TYR: variants seen among roughly 807,000 people sequenced by gnomAD.
TYR encodes the protein LB24-AB.
A neutral mutation model predicts 51.5 loss-of-function variants in TYR; 58 were observed. The observed-to-expected ratio is 1.13, with a 90% CI of 0.91 to 1.40. The LOEUF (loss-of-function observed/expected upper bound fraction) is 1.40. Ranked by LOEUF, TYR falls within the 40% of genes most tolerant of loss-of-function variation. TYR has a pLI of 0.00. For synonymous variants in TYR, 263 were observed against 235.2 expected (o/e 1.12, Z -1.08); for missense variants, 732 against 647.4 (o/e 1.13, Z -1.42).
In TYR at chr11:89,261,787, A is replaced by G. The variant is rs142785253; in HGVS notation, c.1185-22986A>G. Among the ~76,000 whole-genome samples the G allele has an allele frequency of 9.4e-3, 1,424 of 152,250 alleles. 23 individuals carry two copies. Among genetic ancestry groups the G allele is most frequent in the African/African-American group, 0.033 (1,368 of 41,572 alleles). On this transcript the variant is annotated intron_variant, in intron 3 of 4. Coordinates refer to ENST00000263321, the MANE Select transcript of TYR (RefSeq NM_000372.5). The stretch of plus-strand genomic sequence containing the variant: ...GCACATGGAGTATTTTCCAGGATTA[A>G]TTACATGTGAGACCATAAAACAAGT...
chr11:89,270,491 G>A (rs140804240), intron 3 of TYR, among the ~76,000 whole-genome samples: 61 of 151,786 alleles, frequency 4.0e-4, no homozygotes, highest in African/African-American at 1.4e-3. Context: ...TCCTCATTTG[G>A]CTTTCTACTT....
chr11:89,283,245 GACC>G (rs1218468050), intron 3 of TYR, among the ~76,000 whole-genome samples: 2 of 151,774 alleles, frequency 1.3e-5, no homozygotes, highest in African/African-American at 4.8e-5. Context: ...AACCAACTTT[GACC>G]ACAAGTAGTG....
chr11:89,288,905 G>T (rs1160921749), intron 4 of TYR, among the ~76,000 whole-genome samples: 1 of 152,004 alleles, frequency 6.6e-6, no homozygotes, highest in East Asian at 1.9e-4. Context: ...AAGATTTCTT[G>T]ATATAATTTT....
intron 2 of TYR, among the ~76,000 whole-genome samples, chr11:89,210,935 C>T (rs1943745868): frequency 6.6e-6 from 1 of 152,108 alleles, no homozygotes; most frequent in African/African-American, 2.4e-5. Context: ...CACCATCAGG[C>T]CTGCCTTACA....
At chr11:89,238,279 T>A (rs997668433) in intron 3 of TYR, among the ~76,000 whole-genome samples, 1 of 152,208 alleles carries the variant, frequency 6.6e-6, no homozygotes, top group Admixed American at 6.5e-5. Context: ...AAAATTTTTA[T>A]TTTTAATTAA....
intron 2 of TYR, among the ~76,000 whole-genome samples, chr11:89,219,345 G>A (rs1434308137): frequency 1.3e-5 from 2 of 149,668 alleles, no homozygotes; most frequent in Admixed American, 1.3e-4. Flanking sequence ...TGCCCAGGCT[G>A]GAGTGCAGTG....
intron 3 of TYR, among the ~76,000 whole-genome samples, chr11:89,259,122 T>A (rs1441606271): frequency 6.6e-6 from 1 of 152,060 alleles, no homozygotes; most frequent in Admixed American, 6.6e-5. Flanking sequence ...TTGAGAACCA[T>A]TGCATTCATG....
At chr11:89,195,729 A>C (rs1329135268) in intron 2 of TYR, among the ~76,000 whole-genome samples, 1 of 152,056 alleles carries the variant, frequency 6.6e-6, no homozygotes, top group Non-Finnish European at 1.5e-5. Flanking sequence ...TAGATAAAGC[A>C]AAGAAAAATA....
At chr11:89,192,915 T>C (rs1000752212) in intron 2 of TYR, among the ~76,000 whole-genome samples, 13 of 152,160 alleles carry the variant, frequency 8.5e-5, no homozygotes, top group Admixed American at 1.3e-4. Flanking sequence ...GTGGAGATAA[T>C]CTGCCCCCAG....
intron 2 of TYR, among the ~76,000 whole-genome samples, chr11:89,204,058 G>A (rs1178941211): frequency 1.3e-5 from 2 of 152,148 alleles, no homozygotes; most frequent in African/African-American, 4.8e-5. Context: ...ACTTTACATG[G>A]AGGCAATGTG....
At chr11:89,204,858 G>A (rs920819043) in intron 2 of TYR, among the ~76,000 whole-genome samples, 2 of 150,262 alleles carry the variant, frequency 1.3e-5, no homozygotes, top group Non-Finnish European at 3.0e-5. Context: ...CGTTAACACT[G>A]AAGTAACAGA....
chr11:89,293,924 A>T, intron 4 of TYR: 1 of 314,218 alleles, frequency 3.2e-6, no homozygotes, highest in Non-Finnish European at 6.4e-6. Context: ...TTCTTTCAGG[A>T]TCAAGATCTC....
At chr11:89,244,026 T>C (rs1215358601) in intron 3 of TYR, among the ~76,000 whole-genome samples, 4 of 152,104 alleles carry the variant, frequency 2.6e-5, no homozygotes, top group Non-Finnish European at 4.4e-5. Flanking sequence ...TATGCATAAA[T>C]TTTATTTCCT....
chr11:89,205,731 A>G (rs967437436), intron 2 of TYR, among the ~76,000 whole-genome samples: 8 of 152,172 alleles, frequency 5.3e-5, no homozygotes, highest in Non-Finnish European at 1.2e-4. Context: ...GCCCTGAAAA[A>G]AAAATGGTTA....
In TYR at chr11:89,232,366, A is replaced by G. The variant is rs1362595786; in HGVS notation, c.1184+4396A>G. On this transcript the variant is annotated intron_variant, in intron 3 of 4. Coordinates refer to ENST00000263321, the MANE Select transcript of TYR (RefSeq NM_000372.5). Reference sequence around the variant, plus strand: ...TGGTACATTTACACCATGGAATACTATAAGAAAGAACAAAATGATGTCCTT... The same window carrying G: ...TGGTACATTTACACCATGGAATACTGTAAGAAAGAACAAAATGATGTCCTT... Among the ~76,000 whole-genome samples, 24 of 143,784 alleles carry G rather than the reference A, an allele frequency of 1.7e-4. 2 individuals are homozygous for G. The highest frequency in any genetic ancestry group is 1.6e-3 in the Admixed American group (24 of 14,568). 94.3% of individuals were successfully genotyped at this position (143,784 alleles called of 152,430 possible). A position where few individuals can be genotyped will look rare whatever the true frequency, so the allele number is the denominator to read the frequency against.
chr11:89,254,318 G>C (rs1222285496), intron 3 of TYR, among the ~76,000 whole-genome samples: 1 of 151,490 alleles, frequency 6.6e-6, no homozygotes, highest in Non-Finnish European at 1.5e-5. Flanking sequence ...TTCCGGTTTT[G>C]GTGTTCGGGT....
intron 2 of TYR, among the ~76,000 whole-genome samples, chr11:89,212,325 T>C (rs1438618609): frequency 6.6e-6 from 1 of 152,094 alleles, no homozygotes; most frequent in Non-Finnish European, 1.5e-5. Flanking sequence ...GCAAATAATC[T>C]AGAAAATCTA....
intron 3 of TYR, among the ~76,000 whole-genome samples, chr11:89,258,827 A>G (rs1359413507): frequency 1.3e-5 from 2 of 152,094 alleles, no homozygotes; most frequent in African/African-American, 2.4e-5. Context: ...CCAGAGACCA[A>G]CTATGAGGCT....
chr11:89,222,496 T>A (rs1275129178), intron 2 of TYR, among the ~76,000 whole-genome samples: 1 of 152,136 alleles, frequency 6.6e-6, no homozygotes, highest in Non-Finnish European at 1.5e-5. Context: ...CCCAGCACTT[T>A]GGGAGGCCAG....
Sources: allele counts gnomAD v4.1 joint callset (sites outside exome capture counted in the v4.1 genomes callset), GRCh38; gene constraint gnomAD v4.1.1; transcripts MANE v1.5; gene names NCBI Gene and HGNC (gene_info 2026-07-23, HGNC 2026-07-21).